The following NIT2 variants were observed in gnomAD, a reference collection of about 807,000 sequenced individuals.
NIT2 encodes the protein omega-amidase NIT2.
Under a neutral mutation model 42.7 loss-of-function variants are expected in NIT2, and 46 were observed. That is an observed-to-expected ratio of 1.08 (90% CI 0.85 to 1.38). The LOEUF is 1.38. Among genes scored for constraint, NIT2 ranks in the 40% most tolerant of loss-of-function variants. The pLI, the probability that NIT2 is intolerant of heterozygous loss-of-function variation, is 0.00. For missense variants in NIT2, 309 were observed against 342.5 expected, an observed-to-expected ratio of 0.90 and a Z score of 0.77; for synonymous variants, 123 against 121.9, an observed-to-expected ratio of 1.01 and a Z score of -0.06.
intron 6 of NIT2, among the ~76,000 whole-genome samples, chr3:100,346,600 A>G (rs940738792): frequency 2.0e-5 from 3 of 152,196 alleles, no homozygotes; most frequent in African/African-American, 7.2e-5. Context: ...ACAAGTAGAA[A>G]TGTGGTCTGT....
chr3:100,355,194 G>A lies in NIT2; in HGVS notation c.757G>A (p.Glu253Lys). The change falls in exon 10 of 10, where the codon GAA becomes AAA. Residue 253 changes from glutamate to lysine, a missense_variant. Physicochemically the swap from Glu to Lys is moderately conservative, Grantham distance 56. Transcript: ENST00000394140. ...TTTTGCAGACCTGAAGAAGCTGGCT[G>A]AAATACGCCAGCAAATCCCCGTTTT... ...YSDIDLKKLA[E>K]IRQQIPVFRQ... The A allele has an allele frequency of 6.2e-7, 1 of 1,614,028 alleles. No individual in the cohort carries two copies. The highest frequency in any genetic ancestry group is 8.5e-7 in the Non-Finnish European group (1 of 1,179,926).
At chr3:100,340,988 C>G in intron 3 of NIT2, 85 bp from the exon 4 acceptor site, 1 of 875,150 alleles carries the variant, frequency 1.1e-6, no homozygotes. Context: ...TATTTTTGGA[C>G]CCAAGTTATC....
In NIT2 at chr3:100,361,445, A is replaced by G. The variant is rs1576206634; in HGVS notation, c.*6177A>G. 6.6e-6 allele frequency: 1 copy of G among 152,206 alleles called. No homozygotes were observed. Among genetic ancestry groups the G allele is most frequent in the South Asian group, 2.1e-4 (1 of 4,810 alleles). The allele number at this position is 152,206 out of a possible 1,614,324, so 9.4% of individuals were successfully genotyped here. ...GTATCCTGAGCTCTGAAAGGCAGCAATCATCTTGACCCCAAGCATACACCA... is the reference window on the plus strand; with the variant it reads ...GTATCCTGAGCTCTGAAAGGCAGCAGTCATCTTGACCCCAAGCATACACCA... On this transcript the variant is annotated 3_prime_UTR_variant, in exon 10 of 10. Transcript: ENST00000394140.
chr3:100,340,239 AT>A (rs757487059), intron 3 of NIT2, among the ~76,000 whole-genome samples: 3 of 151,810 alleles, frequency 2.0e-5, no homozygotes, highest in Admixed American at 6.6e-5. Context: ...TGATTTTTGT[AT>A]TTTTTTGTAA....
At chr3:100,334,848 G>C (rs772967041) in intron 1 of NIT2, 50 bp downstream of exon 1, 2 of 1,292,936 alleles carry the variant, frequency 1.5e-6, no homozygotes, top group Non-Finnish European at 2.0e-6. Context: ...CGCGGGGGAG[G>C]CTTTGGAGCG....
intron 6 of NIT2, among the ~76,000 whole-genome samples, chr3:100,347,819 C>G (rs977493427): frequency 6.6e-6 from 1 of 151,970 alleles, no homozygotes; most frequent in African/African-American, 2.4e-5. Context: ...GAAAAGTACA[C>G]ACTCAAAAAA....
Position 100,361,393 on chromosome 3 carries a change from C to A in NIT2, c.*6125C>A, listed in dbSNP as rs1706384037. On this transcript the variant is annotated 3_prime_UTR_variant, in exon 10 of 10. Transcript: ENST00000394140. ...TGCACAGGTTATCTTTAAGCACCAA[C>A]AAAAGAAATGGAGAAATTTGAGCCA... 6.6e-6 allele frequency: 1 copy of A among 152,148 alleles called. No individual in the cohort carries two copies. The highest frequency in any genetic ancestry group is 2.4e-5 in the African/African-American group (1 of 41,426). The allele number at this position is 152,148 out of a possible 1,614,324, so 9.4% of individuals were successfully genotyped here. A position where few individuals can be genotyped will look rare whatever the true frequency, so the allele number is the denominator to read the frequency against.
At chr3:100,346,733 C>G (rs16842142) in intron 6 of NIT2, among the ~76,000 whole-genome samples, 15,746 of 152,202 alleles carry the variant, frequency 0.1, 1,176 homozygotes, top group African/African-American at 0.2. Flanking sequence ...ATGATTTCAC[C>G]TCTAGAGCAG....
intron 3 of NIT2, 64 bp from the exon 4 acceptor site, chr3:100,341,009 C>G: frequency 9.3e-7 from 1 of 1,073,648 alleles, no homozygotes; most frequent in Non-Finnish European, 1.4e-6. Context: ...AGGCTTTTAT[C>G]CCTTTCTCAC....
chr3:100,334,834 G>C (rs749245016), intron 1 of NIT2, 36 bp downstream of exon 1: 11 of 1,213,368 alleles, frequency 9.1e-6, no homozygotes, highest in South Asian at 3.5e-5. Flanking sequence ...GCTCGAGTTC[G>C]GGCCGCGGGG....
At chr3:100,352,382 C>A in intron 7 of NIT2, 22 bp from the exon 8 acceptor site, 1 of 1,576,674 alleles carries the variant, frequency 6.3e-7, no homozygotes, top group Non-Finnish European at 8.7e-7. Flanking sequence ...CGATTTACCT[C>A]TTTCCTGTCT....
chr3:100,349,910 C>G (rs1458497308), intron 7 of NIT2: 1 of 152,170 alleles, frequency 6.6e-6, no homozygotes, highest in Non-Finnish European at 1.5e-5. Context: ...GTAAAGTGCT[C>G]TACAGCCCAT....
intron 3 of NIT2, 62 bp downstream of exon 3, chr3:100,339,997 G>C (rs780142580): frequency 6.9e-7 from 1 of 1,454,602 alleles, no homozygotes; most frequent in Non-Finnish European, 9.4e-7. Context: ...TGAGTCAGGT[G>C]TGGTGGCGTG....
At chr3:100,354,689 G>T (rs1706307346) in intron 8 of NIT2, 83 bp from the exon 9 acceptor site, 6 of 1,047,008 alleles carry the variant, frequency 5.7e-6, no homozygotes, top group Non-Finnish European at 5.6e-6. Context: ...CCTTTGGCCT[G>T]TGAGCTTGGG....
intron 2 of NIT2, among the ~76,000 whole-genome samples, chr3:100,339,528 G>A (rs753945094): frequency 1.3e-5 from 2 of 152,130 alleles, no homozygotes; most frequent in Non-Finnish European, 2.9e-5. Context: ...AGTCTTTATA[G>A]AACCAGAACA....
chr3:100,338,092 T>C (rs994371355), intron 1 of NIT2, among the ~76,000 whole-genome samples: 6 of 152,028 alleles, frequency 3.9e-5, no homozygotes, highest in African/African-American at 1.4e-4. Flanking sequence ...TATTAGCTAA[T>C]GGAAAGTGAT....
At chr3:100,337,204 C>T (rs1008496355) in intron 1 of NIT2, among the ~76,000 whole-genome samples, 1 of 152,164 alleles carries the variant, frequency 6.6e-6, no homozygotes, top group East Asian at 1.9e-4. Flanking sequence ...AAGAATTTTT[C>T]GTAGTACAGA....
chr3:100,336,607 C>G (rs961872508), intron 1 of NIT2, among the ~76,000 whole-genome samples: 2 of 152,118 alleles, frequency 1.3e-5, no homozygotes, highest in African/African-American at 4.8e-5. Flanking sequence ...GCATCATGAA[C>G]AAGGTAAAGA....
rs1421842971 is a variant in NIT2, at chr3:100,357,968, G to A, written c.*2700G>A. The A allele has an allele frequency of 6.6e-6, 1 of 152,272 alleles. No individual in the cohort carries two copies. The highest frequency in any genetic ancestry group is 1.9e-4 in the East Asian group (1 of 5,176). 9.4% of individuals were successfully genotyped at this position (152,272 alleles called of 1,614,324 possible). On this transcript the variant is annotated 3_prime_UTR_variant, in exon 10 of 10. Transcript: ENST00000394140. ...AATTTTTGTATTTTTAGTAGAAATG[G>A]GGTTTCACCATGTTGGCCAGTCTGA... is the stretch of plus-strand genomic sequence containing the variant.
Sources: gnomAD v4.1 joint callset for allele counts (sites outside exome capture counted in the v4.1 genomes callset) on GRCh38, gnomAD v4.1.1 for gene constraint, MANE v1.5 for transcripts, NCBI Gene and HGNC (gene_info 2026-07-23, HGNC 2026-07-21) for gene names.